Variants in IGF2BP1 observed in about 807,000 individuals in gnomAD.
The protein encoded by IGF2BP1 is insulin-like growth factor 2 mRNA-binding protein 1.
Under a neutral mutation model 74.9 loss-of-function variants are expected in IGF2BP1, and 11 were observed. That is an observed-to-expected ratio of 0.15 (90% CI 0.09 to 0.24). The LOEUF is 0.24. IGF2BP1 is among the 10% of genes least tolerant of loss of function. The pLI, the probability that IGF2BP1 is intolerant of heterozygous loss-of-function variation, is 1.00. For synonymous variants in IGF2BP1, 287 were observed against 281.8 expected, an observed-to-expected ratio of 1.02 and a Z score of -0.18; for missense variants, 440 against 757.4, an observed-to-expected ratio of 0.58 and a Z score of 4.92.
At chr17:49,023,008 G>C (rs1262302941) in intron 2 of IGF2BP1, among the ~76,000 whole-genome samples, 2 of 152,238 alleles carry the variant, frequency 1.3e-5, no homozygotes, top group East Asian at 3.8e-4. Context: ...CTAGGTCTGC[G>C]TTCTCAACCT....
intron 2 of IGF2BP1, among the ~76,000 whole-genome samples, chr17:49,020,961 T>C (rs1378762934): frequency 8.2e-6 from 1 of 121,932 alleles, no homozygotes; most frequent in Non-Finnish European, 1.7e-5. Context: ...AGGCCCCGTC[T>C]CTACAAATTA....
chr17:49,040,204 C>G, intron 7 of IGF2BP1, 113 bp downstream of exon 7: 1 of 1,156,800 alleles, frequency 8.6e-7, no homozygotes, highest in South Asian at 1.5e-5. Context: ...AGCAATTGCA[C>G]AAAAAGATGT....
chr17:49,040,629 G>A (rs191307827), intron 7 of IGF2BP1, among the ~76,000 whole-genome samples: 7 of 152,356 alleles, frequency 4.6e-5, no homozygotes, highest in Admixed American at 4.6e-4. Flanking sequence ...GTATTCACTT[G>A]TGCGTGTATG....
intron 9 of IGF2BP1, 152 bp from the exon 10 acceptor site, chr17:49,043,276 T>C (rs2042072862): frequency 2.3e-6 from 2 of 861,068 alleles, no homozygotes; most frequent in Admixed American, 2.2e-5. Context: ...TGAGAGTGTA[T>C]GAAAAGCACA....
intron 4 of IGF2BP1, among the ~76,000 whole-genome samples, 182 bp downstream of exon 4, chr17:49,026,699 TCCTGCCTTCCTGCCTTCCTG>T (rs1555599046): frequency 2.7e-3 from 288 of 107,116 alleles, no homozygotes; most frequent in Middle Eastern, 0.011. Flanking sequence ...CTTCCTGCCT[TCCTGCCTTCCTGCCTTCCTG>T]CCTGCCTTCC....
intron 8 of IGF2BP1, among the ~76,000 whole-genome samples, chr17:49,042,016 C>G (rs769673965): frequency 6.6e-6 from 1 of 152,212 alleles, no homozygotes; most frequent in Non-Finnish European, 1.5e-5. Flanking sequence ...GGATCCATTG[C>G]TAACAGAGGA....
chr17:49,016,900 C>T, intron 2 of IGF2BP1, among the ~76,000 whole-genome samples: 1 of 150,504 alleles, frequency 6.6e-6, no homozygotes, highest in South Asian at 2.1e-4. Flanking sequence ...CGGCCAGCTC[C>T]TCCTCCCCTC....
chr17:48,999,380 G>A (rs2041456511), intron 2 of IGF2BP1, among the ~76,000 whole-genome samples: 2 of 151,942 alleles, frequency 1.3e-5, no homozygotes, highest in South Asian at 4.1e-4. Context: ...ATAAGTTGGG[G>A]CTGGGGTAGG....
intron 4 of IGF2BP1, among the ~76,000 whole-genome samples, chr17:49,029,975 CCATTTT>C (rs1433270555): frequency 6.6e-6 from 1 of 151,930 alleles, no homozygotes; most frequent in Non-Finnish European, 1.5e-5. Context: ...GCTTGCCAAA[CCATTTT>C]CCTAGTTAGA....
In IGF2BP1 at chr17:49,052,303, G is replaced by A. The variant is rs953520994; in HGVS notation, c.*2859G>A. ...CGTCGGCCATTTAGTAATTTAAAGC[G>A]AATTTCCAGCAGCAAGCATGCTTTG... On this transcript the variant is annotated 3_prime_UTR_variant, in exon 15 of 15. Transcript: ENST00000290341. 2.0e-5 allele frequency: 3 copies of A among 152,028 alleles called. No individual in the cohort carries two copies. Among genetic ancestry groups the A allele is most frequent in the African/African-American group, 7.3e-5 (3 of 41,374 alleles). The allele number at this position is 152,028 out of a possible 1,614,324, so 9.4% of individuals were successfully genotyped here.
intron 11 of IGF2BP1, among the ~76,000 whole-genome samples, chr17:49,044,320 AAG>A (rs1210067803): frequency 6.6e-6 from 1 of 152,158 alleles, no homozygotes; most frequent in Non-Finnish European, 1.5e-5. Flanking sequence ...ATAACATAGA[AAG>A]AGAACTTAGG....
chr17:49,026,469 C>G lies in IGF2BP1; in HGVS notation c.289C>G (p.Leu97Val). ...NIPPQLRWEVLDSLLAQYGTV... is the reference protein window; with the variant it reads ...NIPPQLRWEVVDSLLAQYGTV... ...CTTCCCTTCTCCATTCTCCTAGGTACTGGACAGCCTGCTGGCTCAGTATGG... is the reference window on the plus strand; with the variant it reads ...CTTCCCTTCTCCATTCTCCTAGGTAGTGGACAGCCTGCTGGCTCAGTATGG... The change falls in exon 4 of 15, where the codon CTG (leucine) becomes GTG (valine). Residue 97 changes from leucine (L) to valine (V), a missense_variant. By Grantham distance (32) the Leu-to-Val change is conservative (BLOSUM62 1). Around this residue, in one of 5 missense-constraint regions of IGF2BP1, gnomAD observed 105 missense variants for 199.4 expected, o/e 0.53. Coordinates refer to ENST00000290341, the MANE Select transcript of IGF2BP1 (RefSeq NM_006546.4). 6.2e-7 allele frequency: 1 copy of G among 1,614,020 alleles called. No individual in the cohort carries two copies. The highest frequency in any genetic ancestry group is 8.5e-7 in the Non-Finnish European group (1 of 1,179,904).
chr17:49,017,595 A>T (rs181562116), intron 2 of IGF2BP1, among the ~76,000 whole-genome samples: 99 of 152,288 alleles, frequency 6.5e-4, no homozygotes, highest in African/African-American at 2.4e-3. Context: ...CTAGATTAAA[A>T]TTATTTCATA....
chr17:49,018,657 CAA>C (rs200722102), intron 2 of IGF2BP1, among the ~76,000 whole-genome samples: 3 of 127,370 alleles, frequency 2.4e-5, no homozygotes, highest in Non-Finnish European at 1.7e-5. Flanking sequence ...GGAACTGTTT[CAA>C]AAAAAAAAAA....
chr17:49,031,870 G>A, intron 4 of IGF2BP1, 40 bp from the exon 5 acceptor site: 1 of 1,590,734 alleles, frequency 6.3e-7, no homozygotes, highest in Non-Finnish European at 8.6e-7. Context: ...TGGGCCTCCA[G>A]ATTTCCCTGC....
intron 2 of IGF2BP1, among the ~76,000 whole-genome samples, chr17:48,999,695 G>A (rs1405588503): frequency 1.3e-5 from 2 of 151,748 alleles, no homozygotes; most frequent in Non-Finnish European, 2.9e-5. Flanking sequence ...AACAGGCAAA[G>A]ACTTTTTATT....
In IGF2BP1 at chr17:48,999,101, A is replaced by AC; in HGVS notation, c.176-8_176-7insC. ...CTCTCATGGTAATTTTTTTTTTTTA[A>AC]TCTTTAGGGAAAGTAGAATTACAAG... On this transcript the variant is annotated splice_region_variant and splice_polypyrimidine_tract_variant and intron_variant, in intron 1 of 14. Transcript: ENST00000290341. 1 of 1,489,990 alleles carries AC rather than the reference A, an allele frequency of 6.7e-7. No homozygotes were observed. Among genetic ancestry groups the AC allele is most frequent in the Non-Finnish European group, 9.2e-7 (1 of 1,086,042 alleles). The allele number at this position is 1,489,990 out of a possible 1,614,324, so 92.3% of individuals were successfully genotyped here.
intron 4 of IGF2BP1, among the ~76,000 whole-genome samples, chr17:49,029,516 T>C (rs9899580): frequency 6.6e-6 from 1 of 152,008 alleles, no homozygotes; most frequent in African/African-American, 2.4e-5. Flanking sequence ...CTCAGTGTTG[T>C]GGGGGGCAGA....
At chr17:49,039,299 T>G (rs966331731) in intron 6 of IGF2BP1, among the ~76,000 whole-genome samples, 8 of 152,200 alleles carry the variant, frequency 5.3e-5, no homozygotes, top group Admixed American at 2.0e-4. Flanking sequence ...CTCTTTATAT[T>G]TGTTTCAAGG....
Sources: gnomAD v4.1 joint callset for allele counts (sites outside exome capture counted in the v4.1 genomes callset) on GRCh38, gnomAD v4.1.1 for gene constraint, gnomAD v4.1.1 regional missense constraint, MANE v1.5 for transcripts, NCBI Gene and HGNC (gene_info 2026-07-23, HGNC 2026-07-21) for gene names.